The following BFSP1 variants were observed in gnomAD, a reference collection of about 807,000 sequenced individuals.
BFSP1 encodes filensin.
BFSP1 carries 38 observed loss-of-function variants against 43.9 expected under a neutral mutation model. The observed-to-expected ratio is 0.87, with a 90% CI of 0.67 to 1.14. The LOEUF (loss-of-function observed/expected upper bound fraction) is 1.14, where lower values mean the gene tolerates loss of function less well. BFSP1 is among the 50% of genes most tolerant of loss of function. The pLI is 0.00. For synonymous variants in BFSP1, 352 were observed against 354.8 expected, an observed-to-expected ratio of 0.99 and a Z score of 0.09; for missense variants, 850 against 875.1, an observed-to-expected ratio of 0.97 and a Z score of 0.36.
intron 1 of BFSP1, among the ~76,000 whole-genome samples, chr20:17,555,056 T>C (rs1276804106): frequency 6.6e-6 from 1 of 152,014 alleles, no homozygotes; most frequent in Non-Finnish European, 1.5e-5. Flanking sequence ...CCCAGCACTT[T>C]GGGAGGCCGA....
intron 1 of BFSP1, among the ~76,000 whole-genome samples, chr20:17,549,311 A>G (rs2123577599): frequency 6.6e-6 from 1 of 152,330 alleles, no homozygotes; most frequent in Non-Finnish European, 1.5e-5. Flanking sequence ...CTATAAAGAA[A>G]AGAGGTTTAA....
intron 1 of BFSP1, among the ~76,000 whole-genome samples, chr20:17,567,438 G>GA (rs752851712): frequency 1.9e-4 from 29 of 152,226 alleles, no homozygotes; most frequent in African/African-American, 6.5e-4. Context: ...TAATTGTAGG[G>GA]AAAAAACCAT....
intron 1 of BFSP1, among the ~76,000 whole-genome samples, chr20:17,539,096 T>TCTC (rs1568710122): frequency 1.5e-5 from 2 of 134,912 alleles, no homozygotes; most frequent in East Asian, 4.8e-4. Flanking sequence ...CATGAATATA[T>TCTC]TTCTTCTTCT....
chr20:17,518,986 G>A (rs753732717), intron 2 of BFSP1, among the ~76,000 whole-genome samples: 1 of 152,142 alleles, frequency 6.6e-6, no homozygotes, highest in Non-Finnish European at 1.5e-5. Context: ...TCTCAGCCCC[G>A]GGGATGGGAC....
At chr20:17,531,482 CGG>C, upstream of BFSP1, 2 of 1,101,962 alleles carry the variant, frequency 1.8e-6, no homozygotes. Flanking sequence ...ACGCTGGGCC[CGG>C]GCGCGGGAGA....
chr20:17,541,250 A>G, intron 1 of BFSP1: 2 of 982,502 alleles, frequency 2.0e-6, no homozygotes, highest in African/African-American at 1.7e-5. Flanking sequence ...TTGAAATAAA[A>G]GATAAAGTTT....
upstream of BFSP1, among the ~76,000 whole-genome samples, chr20:17,533,300 A>G (rs1185097624): frequency 1.3e-5 from 2 of 152,258 alleles, no homozygotes; most frequent in Non-Finnish European, 2.9e-5. Context: ...TGCTGATAGC[A>G]TGGTAAATTG....
At chr20:17,502,202 G>C (rs890505013) in intron 5 of BFSP1, among the ~76,000 whole-genome samples, 2 of 151,526 alleles carry the variant, frequency 1.3e-5, no homozygotes, top group African/African-American at 2.4e-5. Flanking sequence ...GTACCTTTCC[G>C]GTGGAGAAAA....
Position 17,496,980 on chromosome 20 carries a change from G to T in BFSP1, c.1000C>A (p.Gln334Lys). 1 of 1,544,646 alleles carries T rather than the reference G, an allele frequency of 6.5e-7. No individual in the cohort carries two copies. Residue 334 changes from glutamine (Q) to lysine (K), a missense_variant, in exon 7 of 8, where the codon CAG (glutamine) becomes AAG (lysine). Gln to Lys is a moderately conservative substitution (Grantham distance 53). Coordinates refer to ENST00000377873, the MANE Select transcript of BFSP1 (RefSeq NM_001195.5). Reference sequence around the variant, plus strand: ...GTGCTGAGAGAGACTCCATGGCTCTGGGTGAACAGGGGAATGGGAGTTTCA... The same window carrying T: ...GTGCTGAGAGAGACTCCATGGCTCTTGGTGAACAGGGGAATGGGAGTTTCA... ...FIETPIPLFT[Q>K]SHGVSLSTGS...
chr20:17,551,817 T>A (rs2034900271), intron 1 of BFSP1, among the ~76,000 whole-genome samples: 1 of 152,014 alleles, frequency 6.6e-6, no homozygotes, highest in African/African-American at 2.4e-5. Flanking sequence ...ACCTCGTCTC[T>A]ACTAAAAATA....
chr20:17,502,375 G>A (rs959294955), intron 5 of BFSP1, among the ~76,000 whole-genome samples: 3 of 152,142 alleles, frequency 2.0e-5, no homozygotes, highest in Non-Finnish European at 4.4e-5. Flanking sequence ...AACCCAAAAG[G>A]AGAGACATGC....
upstream of BFSP1, among the ~76,000 whole-genome samples, chr20:17,562,806 T>C (rs866068700): frequency 2.0e-5 from 3 of 152,306 alleles, no homozygotes; most frequent in South Asian, 4.1e-4. Flanking sequence ...TACTTAAACA[T>C]ATTTAGCCTT....
intron 4 of BFSP1, among the ~76,000 whole-genome samples, chr20:17,509,707 G>A (rs567916696): frequency 6.9e-4 from 105 of 152,318 alleles, no homozygotes; most frequent in African/African-American, 2.2e-3. Flanking sequence ...CGCTGTGCTC[G>A]GATGTCAGCG....
chr20:17,533,537 A>G (rs1470771962), upstream of BFSP1, among the ~76,000 whole-genome samples: 1 of 152,214 alleles, frequency 6.6e-6, no homozygotes, highest in African/African-American at 2.4e-5. Context: ...CTAGCAATGA[A>G]AAAAGCACAA....
intron 2 of BFSP1, among the ~76,000 whole-genome samples, chr20:17,518,420 G>A (rs892664996): frequency 6.6e-6 from 1 of 152,188 alleles, no homozygotes; most frequent in Non-Finnish European, 1.5e-5. Context: ...GGACAGTGAG[G>A]GAGGGTCTAA....
At chr20:17,538,469 C>T (rs1184175492) in intron 1 of BFSP1, among the ~76,000 whole-genome samples, 1 of 152,120 alleles carries the variant, frequency 6.6e-6, no homozygotes, top group Non-Finnish European at 1.5e-5. Flanking sequence ...GAAAATTGTG[C>T]TGAGAACAGG....
At chr20:17,548,521 C>T (rs1368197161) in intron 1 of BFSP1, among the ~76,000 whole-genome samples, 1 of 152,164 alleles carries the variant, frequency 6.6e-6, no homozygotes, top group Non-Finnish European at 1.5e-5. Flanking sequence ...TGGGTGAATT[C>T]CTCTCCTCTG....
rs530441134 is a variant in BFSP1, at chr20:17,548,383, A to G, written c.2+10305T>C. On this transcript the variant is annotated intron_variant, in intron 1 of 7. Transcript: ENST00000377868. ...TGCATAAAGTTTACCAATAATAATT[A>G]TTTGCCTTACAGGCTCTCTTAAACT... is the stretch of plus-strand genomic sequence containing the variant. Among the ~76,000 whole-genome samples, 15 of 152,282 alleles carry G rather than the reference A, an allele frequency of 9.9e-5. No individual in the cohort carries two copies. The East Asian group carries it at 2.7e-3, about 27-fold the overall frequency.
intron 1 of BFSP1, among the ~76,000 whole-genome samples, chr20:17,556,560 T>C (rs2034993418): frequency 6.6e-6 from 1 of 152,132 alleles, no homozygotes; most frequent in Admixed American, 6.6e-5. Context: ...TATCTATTAC[T>C]ATCTATTGAT....
Sources: allele counts gnomAD v4.1 joint callset (sites outside exome capture counted in the v4.1 genomes callset), GRCh38; gene constraint gnomAD v4.1.1; transcripts MANE v1.5; gene names NCBI Gene and HGNC (gene_info 2026-07-23, HGNC 2026-07-21).